Variants in ROBO1 observed in about 807,000 individuals in gnomAD.
The protein encoded by ROBO1 is roundabout guidance receptor 1.
In ROBO1, 149 loss-of-function variants were observed where a neutral mutation model predicts 195.9. That is an observed-to-expected ratio of 0.76 (90% CI 0.67 to 0.87). The LOEUF is 0.87. Among genes scored for constraint, ROBO1 ranks in the 40% least tolerant of loss-of-function variants. The probability of loss-of-function intolerance (pLI) is 0.00; values close to 1 mark genes in which losing one functional copy is unlikely to be tolerated. For missense variants in ROBO1, 1,933 were observed against 2,068.3 expected (o/e 0.93, Z 1.27); for synonymous variants, 816 against 733.2 (o/e 1.11, Z -1.82).
At chr3:78,884,633 GAGAAAGAA>G (rs796879832) in intron 4 of ROBO1, among the ~76,000 whole-genome samples, 11 of 87,532 alleles carry the variant, frequency 1.3e-4, no homozygotes, top group African/African-American at 4.9e-4. Context: ...GAGAAAGAAA[GAGAAAGAA>G]AGAAAGAAAG....
chr3:79,565,241 C>T (rs1943053137), intron 2 of ROBO1, among the ~76,000 whole-genome samples: 1 of 151,836 alleles, frequency 6.6e-6, no homozygotes, highest in South Asian at 2.1e-4. Flanking sequence ...AGAATTGAGG[C>T]ACAGTCTTAA....
At chr3:79,510,811 T>C (rs1022531579) in intron 2 of ROBO1, among the ~76,000 whole-genome samples, 1 of 152,118 alleles carries the variant, frequency 6.6e-6, no homozygotes, top group Non-Finnish European at 1.5e-5. Context: ...TATTCTGACA[T>C]TTTTGGATTT....
chr3:78,830,431 A>T (rs975008934), intron 4 of ROBO1, among the ~76,000 whole-genome samples: 2 of 152,188 alleles, frequency 1.3e-5, no homozygotes, highest in Non-Finnish European at 1.5e-5. Flanking sequence ...CAAGACTGGT[A>T]ATTTGTAAGG....
At chr3:79,283,571 T>C (rs2031667884) in intron 2 of ROBO1, among the ~76,000 whole-genome samples, 2 of 152,220 alleles carry the variant, frequency 1.3e-5, no homozygotes, top group Non-Finnish European at 2.9e-5. Flanking sequence ...TTTAAGGAAA[T>C]ATCGGAATTG....
intron 29 of ROBO1, among the ~76,000 whole-genome samples, chr3:78,604,657 T>C (rs1703366090): frequency 6.6e-6 from 1 of 152,196 alleles, no homozygotes; most frequent in Admixed American, 6.5e-5. Context: ...AGTCTATGCC[T>C]GGATTAGGAG....
chr3:79,614,668 G>C (rs1320090301), intron 1 of ROBO1, among the ~76,000 whole-genome samples: 1 of 151,982 alleles, frequency 6.6e-6, no homozygotes, highest in Non-Finnish European at 1.5e-5. Context: ...TAAGATTTCT[G>C]TGCTGAAAAC....
intron 2 of ROBO1, among the ~76,000 whole-genome samples, chr3:79,140,578 G>T (rs2080504613): frequency 6.6e-6 from 1 of 152,010 alleles, no homozygotes; most frequent in Non-Finnish European, 1.5e-5. Context: ...GTTAGTAAAA[G>T]TTTGCTATTA....
chr3:78,613,048 G>A (rs911305999), intron 28 of ROBO1, among the ~76,000 whole-genome samples: 6 of 152,260 alleles, frequency 3.9e-5, no homozygotes, highest in South Asian at 4.1e-4. Context: ...ACTACGGAAC[G>A]TGGGACAATA....
At chr3:79,455,835 T>C (rs1380790893) in intron 2 of ROBO1, among the ~76,000 whole-genome samples, 1 of 152,142 alleles carries the variant, frequency 6.6e-6, no homozygotes, top group Non-Finnish European at 1.5e-5. Context: ...GGCACATACA[T>C]AGCTCTAAGA....
chr3:79,053,450 TTC>T (rs1241357665), intron 3 of ROBO1, among the ~76,000 whole-genome samples: 2 of 151,988 alleles, frequency 1.3e-5, no homozygotes. Flanking sequence ...ATGCTAATTC[TTC>T]TCTCTTTAAA....
intron 2 of ROBO1, among the ~76,000 whole-genome samples, chr3:79,307,227 G>A (rs1252243224): frequency 6.6e-6 from 1 of 151,984 alleles, no homozygotes; most frequent in African/African-American, 2.4e-5. Context: ...TCATCTCAGT[G>A]TATCTGAGCC....
chr3:79,759,883 A>G (rs1443561905), intron 1 of ROBO1, among the ~76,000 whole-genome samples: 2 of 152,088 alleles, frequency 1.3e-5, no homozygotes, highest in Admixed American at 6.5e-5. Flanking sequence ...TGGCAGTCAT[A>G]TTTTTCAGCA....
chr3:79,605,990 G>A (rs1268906749), intron 1 of ROBO1, among the ~76,000 whole-genome samples: 1 of 131,382 alleles, frequency 7.6e-6, no homozygotes, highest in Non-Finnish European at 1.5e-5. Flanking sequence ...ATATGTGTGT[G>A]TGTATATATA....
At chr3:78,783,138 T>C (rs2083729554) in intron 4 of ROBO1, among the ~76,000 whole-genome samples, 1 of 152,200 alleles carries the variant, frequency 6.6e-6, no homozygotes, top group Non-Finnish European at 1.5e-5. Flanking sequence ...TTTTGTTATG[T>C]GGATATATTG....
chr3:79,580,334 C>A (rs111445420), intron 2 of ROBO1, among the ~76,000 whole-genome samples: 55,004 of 151,472 alleles, frequency 0.36, 10,165 homozygotes, highest in East Asian at 0.42. Flanking sequence ...ATTAGCCAGG[C>A]ATGGTGGTGC....
intron 2 of ROBO1, among the ~76,000 whole-genome samples, chr3:79,394,534 A>G (rs963614542): frequency 2.0e-5 from 3 of 152,022 alleles, no homozygotes; most frequent in African/African-American, 7.2e-5. Context: ...AGATATAGAT[A>G]TAAATATAGA....
intron 2 of ROBO1, among the ~76,000 whole-genome samples, chr3:79,232,703 A>G (rs756591054): frequency 1.3e-5 from 2 of 152,150 alleles, no homozygotes; most frequent in African/African-American, 2.4e-5. Flanking sequence ...TAATATCTTC[A>G]AAGTTAGGAA....
At chr3:78,726,370 A>T (rs1576030460) in intron 5 of ROBO1, among the ~76,000 whole-genome samples, 1 of 152,202 alleles carries the variant, frequency 6.6e-6, no homozygotes, top group East Asian at 1.9e-4. Context: ...CAATTTTCTA[A>T]AAGATTAAAG....
chr3:79,111,230 C>T (rs1273506973), intron 3 of ROBO1, among the ~76,000 whole-genome samples: 2 of 152,094 alleles, frequency 1.3e-5, no homozygotes, highest in Non-Finnish European at 2.9e-5. Flanking sequence ...CTATTGTAGC[C>T]GAAATGTGAC....
Sources: allele counts gnomAD v4.1 joint callset (sites outside exome capture counted in the v4.1 genomes callset), GRCh38; gene constraint gnomAD v4.1.1; transcripts MANE v1.5; gene names NCBI Gene and HGNC (gene_info 2026-07-23, HGNC 2026-07-21).